Variants in NUP98 observed in about 807,000 individuals in gnomAD.
The protein encoded by NUP98 is nucleoporin 98 and 96 precursor.
In NUP98, 26 loss-of-function variants were observed where a neutral mutation model predicts 191.9. The observed-to-expected ratio is 0.14, with a 90% CI of 0.10 to 0.19. The LOEUF is 0.19. NUP98 is among the 10% of genes least tolerant of loss of function. NUP98 has a pLI of 1.00. For missense variants in NUP98, 1,941 were observed against 2,178.8 expected (o/e 0.89, Z 2.17); for synonymous variants, 808 against 778.4 (o/e 1.04, Z -0.63).
intron 12 of NUP98, among the ~76,000 whole-genome samples, chr11:3,743,002 ATTTTC>A (rs1362831710): frequency 6.6e-6 from 1 of 151,574 alleles, no homozygotes; most frequent in Non-Finnish European, 1.5e-5. Context: ...GTGGAATATA[ATTTTC>A]TTTTCTTTTA....
intron 12 of NUP98, among the ~76,000 whole-genome samples, chr11:3,743,124 T>C (rs2080347784): frequency 6.6e-6 from 1 of 151,932 alleles, no homozygotes; most frequent in African/African-American, 2.4e-5. Flanking sequence ...GTCCAAGCGA[T>C]TCTCCTGCCT....
At chr11:3,702,075 G>C (rs2078697912) in intron 23 of NUP98, among the ~76,000 whole-genome samples, 2 of 151,916 alleles carry the variant, frequency 1.3e-5, no homozygotes, top group Non-Finnish European at 2.9e-5. Context: ...ACAATCACTT[G>C]AGCTCAGGAA....
Position 3,723,343 on chromosome 11 carries a change from G to C in NUP98, c.1960C>G (p.Pro654Ala), listed in dbSNP as rs1428423203. The C allele has an allele frequency of 1.2e-6, 2 of 1,613,924 alleles. No homozygotes were observed. The highest frequency in any genetic ancestry group is 1.7e-6 in the Non-Finnish European group (2 of 1,180,006). Residue 654 changes from proline (P) to alanine (A), a missense_variant, in exon 16 of 33, where the codon CCA (proline) becomes GCA (alanine). Coordinates refer to ENST00000324932, the MANE Select transcript of NUP98 (RefSeq NM_016320.5). ...NPIAKPIPQT[P>A]ESAGNKHSNS... is the part of the protein sequence containing the mutation. ...CTGTGTTTATTTCCAGCACTTTCTG[G>C]GGTTTGAGGAATAGGTTTGGCAATA...
At chr11:3,722,589 G>A (rs2079445572) in intron 16 of NUP98, among the ~76,000 whole-genome samples, 1 of 152,118 alleles carries the variant, frequency 6.6e-6, no homozygotes, top group African/African-American at 2.4e-5. Flanking sequence ...CACTTTGGGA[G>A]GCCAAGATAG....
chr11:3,735,351 AATATAT>A, intron 12 of NUP98, 27 bp from the exon 13 acceptor site: 4 of 1,080,692 alleles, frequency 3.7e-6, no homozygotes, highest in Non-Finnish European at 4.9e-6. Context: ...AAGAAAACAA[AATATAT>A]ATATATATAT....
At chr11:3,781,981 G>T in intron 2 of NUP98, 61 bp downstream of exon 2, 1 of 1,107,692 alleles carries the variant, frequency 9.0e-7, no homozygotes, top group Non-Finnish European at 1.3e-6. Context: ...TATCAGAGTG[G>T]ATTTGTTCTT....
intron 9 of NUP98, among the ~76,000 whole-genome samples, chr11:3,761,671 C>G (rs939869699): frequency 1.3e-5 from 2 of 151,962 alleles, no homozygotes; most frequent in Non-Finnish European, 2.9e-5. Context: ...AGGCAGAGAA[C>G]TGCTTGAACC....
At chr11:3,753,538 T>C (rs995869292) in intron 10 of NUP98, 130 bp from the exon 11 acceptor site, 12 of 642,074 alleles carry the variant, frequency 1.9e-5, no homozygotes, top group African/African-American at 1.5e-4. Flanking sequence ...GACTCCTAAC[T>C]TGTAGGATAA....
At chr11:3,746,677 C>T (rs538925313) in intron 11 of NUP98, among the ~76,000 whole-genome samples, 2 of 151,820 alleles carry the variant, frequency 1.3e-5, no homozygotes, top group South Asian at 4.2e-4. Flanking sequence ...CTGTGGGAAG[C>T]CGAGGAGGGC....
chr11:3,677,638 T>C (rs2077860732), intron 31 of NUP98, among the ~76,000 whole-genome samples: 1 of 152,166 alleles, frequency 6.6e-6, no homozygotes, highest in Non-Finnish European at 1.5e-5. Flanking sequence ...AATCATTATT[T>C]TGGTAAGGGC....
intron 26 of NUP98, 60 bp from the exon 27 acceptor site, chr11:3,693,435 A>C (rs1322484297): frequency 6.6e-6 from 10 of 1,521,108 alleles, no homozygotes; most frequent in African/African-American, 5.5e-5. Flanking sequence ...CTGTGTGTGC[A>C]ATAACACTGA....
chr11:3,760,235 C>T (rs2081120610), intron 10 of NUP98: 1 of 389,150 alleles, frequency 2.6e-6, no homozygotes, highest in East Asian at 4.2e-5. Context: ...CAATGTGTTA[C>T]TTAACCAAAT....
At chr11:3,728,266 A>T (rs1043214935) in intron 14 of NUP98, among the ~76,000 whole-genome samples, 1 of 152,152 alleles carries the variant, frequency 6.6e-6, no homozygotes, top group African/African-American at 2.4e-5. Flanking sequence ...GTAATGGGAA[A>T]TCCTACCTTT....
Position 3,787,410 on chromosome 11 carries a change from C to T in NUP98, c.-28-5265G>A, listed in dbSNP as rs1276725740. On this transcript the variant is annotated intron_variant, in intron 1 of 32. Transcript: ENST00000324932. The stretch of plus-strand genomic sequence containing the variant: ...CAGACTGGCCAATAGGGTGAAACCC[C>T]CGTCTCTAATAAAAATACAAACATT... Among the ~76,000 whole-genome samples the T allele has an allele frequency of 2.6e-5, 4 of 151,958 alleles. No individual in the cohort carries two copies. In the East Asian group the frequency reaches 7.8e-4, roughly 29 times the overall value.
intron 12 of NUP98, 70 bp downstream of exon 12, chr11:3,744,439 G>C (rs749589541): frequency 8.1e-6 from 12 of 1,483,776 alleles, no homozygotes; most frequent in African/African-American, 1.4e-5. Context: ...GACAGGTGTA[G>C]GATGGAAAAT....
At position 3,725,090 on chromosome 11, in the gene NUP98, G is replaced by A; in HGVS notation, c.1847+13C>T. On this transcript the variant is annotated intron_variant, in intron 15 of 32. Transcript: ENST00000324932. ...TCTCTACTAAGAAGAACTCAAAACA[G>A]AATTCAGTGTACCTCTCTCCATTTT... 8.5e-7 allele frequency: 1 copy of A among 1,177,690 alleles called. No individual in the cohort carries two copies. The highest frequency in any genetic ancestry group is 1.3e-6 in the Non-Finnish European group (1 of 790,416). The allele number at this position is 1,177,690 out of a possible 1,614,324, so 73.0% of individuals were successfully genotyped here.
At chr11:3,685,856 G>C in intron 29 of NUP98, 117 bp downstream of exon 29, 1 of 764,128 alleles carries the variant, frequency 1.3e-6, no homozygotes, top group Non-Finnish European at 2.3e-6. Flanking sequence ...TCACAACGCT[G>C]GATCTAACAC....
intron 11 of NUP98, among the ~76,000 whole-genome samples, chr11:3,749,168 C>T (rs1475679393): frequency 1.3e-5 from 2 of 150,632 alleles, no homozygotes; most frequent in Non-Finnish European, 3.0e-5. Flanking sequence ...ATTAGCCGGG[C>T]GCGGTGGCGG....
intron 25 of NUP98, chr11:3,696,691 T>C (rs1034274197): frequency 6.6e-6 from 1 of 152,140 alleles, no homozygotes; most frequent in African/African-American, 2.4e-5. Context: ...TTACCTGTAA[T>C]CCCAGCTACT....
Sources: gnomAD v4.1 joint callset for allele counts (sites outside exome capture counted in the v4.1 genomes callset) on GRCh38, gnomAD v4.1.1 for gene constraint, MANE v1.5 for transcripts, NCBI Gene and HGNC (gene_info 2026-07-23, HGNC 2026-07-21) for gene names.